AHCY: variants seen among roughly 807,000 people sequenced by gnomAD.
AHCY encodes S-adenosyl-L-homocysteine hydrolase.
Under a neutral mutation model 45.4 loss-of-function variants are expected in AHCY, and 24 were observed. That is an observed-to-expected ratio of 0.53 (90% CI 0.38 to 0.74). The LOEUF (loss-of-function observed/expected upper bound fraction) is 0.74. Among genes scored for constraint, AHCY ranks in the 30% least tolerant of loss-of-function variants. The pLI, the probability that AHCY is intolerant of heterozygous loss-of-function variation, is 0.00. For missense variants in AHCY, 449 were observed against 594.1 expected (o/e 0.76, Z 2.54); for synonymous variants, 245 against 235.1 (o/e 1.04, Z -0.39).
chr20:34,303,435 G>T, upstream of AHCY: 1 of 995,380 alleles, frequency 1.0e-6, no homozygotes, highest in South Asian at 1.5e-5. Flanking sequence ...GGCCCAACGC[G>T]CAGGGCGGAG....
the AHCY span, among the ~76,000 whole-genome samples, chr20:34,247,172 A>G: frequency 1.3e-5 from 2 of 151,498 alleles, no homozygotes; most frequent in Non-Finnish European, 2.9e-5. Flanking sequence ...TTAACATTGT[A>G]TATGCCTCTC....
intron 8 of AHCY, 137 bp from the exon 9 acceptor site, chr20:34,285,771 G>C: frequency 1.1e-6 from 1 of 909,412 alleles, no homozygotes; most frequent in Non-Finnish European, 1.7e-6. Context: ...CCAGCACATG[G>C]CTTAGCACAA....
chr20:34,290,586 G>A lies in AHCY; in HGVS notation c.819C>T (p.Val273=), dbSNP rs762639667. 6.2e-7 allele frequency: 1 copy of A among 1,614,194 alleles called. No homozygotes were observed. Among genetic ancestry groups the A allele is most frequent in the Non-Finnish European group, 8.5e-7 (1 of 1,180,048 alleles). The part of the protein sequence containing the change: ...DEACQEGNIF[V]TTTGCIDIIL... ...TGATGTCAATACAGCCTGTGGTGGT[G>A]ACAAAGATGTTGCCCTCCTGACAGG... The change falls in exon 7 of 10, where the codon GTC becomes GTT. Residue 273 remains valine, a synonymous_variant. Coordinates refer to ENST00000217426, the MANE Select transcript of AHCY (RefSeq NM_000687.4). The surrounding 1 kb of genome is among the most constrained non-coding windows in gnomAD (Gnocchi z 4.5).
intron 1 of AHCY, 64 bp downstream of exon 1, chr20:34,303,179 C>A (rs575640892): frequency 1.3e-6 from 2 of 1,549,010 alleles, no homozygotes; most frequent in South Asian, 2.4e-5. Context: ...CTGCAGCCCC[C>A]GCCACGAACA....
chr20:34,307,729 A>T (rs1042265531), upstream of AHCY, among the ~76,000 whole-genome samples: 6 of 152,256 alleles, frequency 3.9e-5, no homozygotes, highest in Non-Finnish European at 5.9e-5. Flanking sequence ...TAAAAGGTTT[A>T]ATTACAAATG....
At chr20:34,289,753 C>T (rs2036310179) in intron 8 of AHCY, among the ~76,000 whole-genome samples, 1 of 152,098 alleles carries the variant, frequency 6.6e-6, no homozygotes, top group Non-Finnish European at 1.5e-5. Flanking sequence ...GCTGGGATTA[C>T]AGGCATGAGC....
At chr20:34,235,836 AGAAAGAAGGAAG>A in the AHCY span, among the ~76,000 whole-genome samples, 1 of 64,140 alleles carries the variant, frequency 1.6e-5, no homozygotes, top group Non-Finnish European at 2.5e-5. Context: ...AAAGAAAGAA[AGAAAGAAGGAAG>A]GAAGGAAGGA....
chr20:34,243,875 T>A, the AHCY span, among the ~76,000 whole-genome samples: 4 of 151,818 alleles, frequency 2.6e-5, no homozygotes, highest in Non-Finnish European at 5.9e-5. Context: ...CCATCCTGGC[T>A]AACACGATGA....
At chr20:34,276,725 C>T (rs2035913047), downstream of AHCY, among the ~76,000 whole-genome samples, 1 of 152,014 alleles carries the variant, frequency 6.6e-6, no homozygotes, top group South Asian at 2.1e-4. Context: ...CTGCACCACA[C>T]CAGATTTCTA....
chr20:34,297,879 C>T (rs1284341309), intron 1 of AHCY, among the ~76,000 whole-genome samples: 1 of 152,150 alleles, frequency 6.6e-6, no homozygotes, highest in African/African-American at 2.4e-5. Context: ...TGGCTCACAC[C>T]TGTAATCCCA....
At chr20:34,278,765 A>G (rs1209625877), downstream of AHCY, among the ~76,000 whole-genome samples, 2 of 152,152 alleles carry the variant, frequency 1.3e-5, no homozygotes, top group Admixed American at 1.3e-4. Context: ...ACCTTTTTAC[A>G]TATGATGTAA....
chr20:34,297,332 A>C (rs2036607106), intron 1 of AHCY, among the ~76,000 whole-genome samples: 1 of 151,858 alleles, frequency 6.6e-6, no homozygotes, highest in Admixed American at 6.6e-5. Context: ...GGCTCTGTAG[A>C]CCAGGCTGGG....
At chr20:34,288,326 A>AT (rs1466784737) in intron 8 of AHCY, among the ~76,000 whole-genome samples, 4 of 152,184 alleles carry the variant, frequency 2.6e-5, no homozygotes, top group Non-Finnish European at 5.9e-5. Context: ...TCCTTATCAT[A>AT]TCTCAAACAC....
At chr20:34,253,651 T>C in the AHCY span, among the ~76,000 whole-genome samples, 2 of 151,930 alleles carry the variant, frequency 1.3e-5, no homozygotes, top group East Asian at 1.9e-4. Flanking sequence ...TTTGTATTTT[T>C]AGTAGAGACG....
chr20:34,243,775 A>AC, the AHCY span, among the ~76,000 whole-genome samples: 1 of 151,742 alleles, frequency 6.6e-6, no homozygotes, highest in African/African-American at 2.4e-5. Context: ...AAAAAAAAAA[A>AC]ACTGTCTCGC....
upstream of AHCY, among the ~76,000 whole-genome samples, chr20:34,305,260 C>A (rs2036883379): frequency 6.6e-6 from 1 of 151,908 alleles, no homozygotes; most frequent in African/African-American, 2.4e-5. Context: ...GGAGGCCGAG[C>A]TTGCAGTGAG....
chr20:34,260,298 A>C, the AHCY span: 2 of 1,478,042 alleles, frequency 1.4e-6, no homozygotes, highest in Non-Finnish European at 1.8e-6. Flanking sequence ...AAGCACAAAG[A>C]AAGCAGGAAG....
At chr20:34,255,922 T>C in the AHCY span, among the ~76,000 whole-genome samples, 1 of 152,068 alleles carries the variant, frequency 6.6e-6, no homozygotes, top group Non-Finnish European at 1.5e-5. Context: ...TAGAGAAGAC[T>C]CTGCTCCACC....
chr20:34,285,620 C>T lies in AHCY; in HGVS notation c.987G>A (p.Arg329=), dbSNP rs1385977618. Residue 329 remains arginine, a synonymous_variant, in exon 9 of 10, where the codon CGG becomes CGA. Coordinates refer to ENST00000217426, the MANE Select transcript of AHCY (RefSeq NM_000687.4). ...GGATGATGCGGCGCCCATTCTTCAA[C>T]CGATACCGGTCCACCTACACGCAGG... ...VNIKPQVDRY[R]LKNGRRIILL... is the part of the protein sequence containing the mutation. The T allele has an allele frequency of 4.3e-6, 7 of 1,613,500 alleles. No homozygotes were observed. Among genetic ancestry groups the T allele is most frequent in the Non-Finnish European group, 5.9e-6 (7 of 1,180,002 alleles).
Sources: allele counts gnomAD v4.1 joint callset (sites outside exome capture counted in the v4.1 genomes callset), GRCh38; gene constraint gnomAD v4.1.1; non-coding constraint Gnocchi (gnomAD v3.1); transcripts MANE v1.5; gene names NCBI Gene and HGNC (gene_info 2026-07-23, HGNC 2026-07-21).